ZNF618: variants seen among roughly 807,000 people sequenced by gnomAD.
ZNF618 encodes zinc finger protein 618.
ZNF618 carries 34 observed loss-of-function variants against 103.0 expected under a neutral mutation model. The ratio of observed to expected loss-of-function variants is 0.33; its 90% confidence interval spans 0.25 to 0.44. The LOEUF (loss-of-function observed/expected upper bound fraction) is 0.44, where lower values mean the gene tolerates loss of function less well. Ranked by LOEUF, ZNF618 falls within the 20% of genes least tolerant of loss-of-function variation. The probability of loss-of-function intolerance (pLI) is 1.00; values close to 1 mark genes in which losing one functional copy is unlikely to be tolerated. For synonymous variants in ZNF618, 551 were observed against 542.2 expected, an observed-to-expected ratio of 1.02 and a Z score of -0.23; for missense variants, 1,059 against 1,295.4, an observed-to-expected ratio of 0.82 and a Z score of 2.80.
rs1225772806 is a variant in ZNF618, at chr9:114,002,546, G to A, written c.512-78G>A. The A allele has an allele frequency of 1.7e-5, 25 of 1,499,044 alleles. No individual in the cohort carries two copies. The East Asian group carries it at 2.7e-4, about 16-fold the overall frequency. 92.9% of individuals were successfully genotyped at this position (1,499,044 alleles called of 1,614,324 possible). A position where few individuals can be genotyped will look rare whatever the true frequency, so the allele number is the denominator to read the frequency against. On this transcript the variant is annotated intron_variant, in intron 5 of 14. Transcript: ENST00000374126. ...TGAGCTCTTCCCCTGTGGCTTCCAT[G>A]TTCTCTTTTGCACTTGGCACTGGCC... is the stretch of plus-strand genomic sequence containing the variant.
chr9:113,938,440 T>A (rs1588095411), intron 1 of ZNF618, among the ~76,000 whole-genome samples: 2 of 152,162 alleles, frequency 1.3e-5, no homozygotes, highest in South Asian at 4.2e-4. Flanking sequence ...GTTGGCTGCC[T>A]CAAAGCATTG....
intron 1 of ZNF618, among the ~76,000 whole-genome samples, chr9:113,876,950 A>G (rs918904136): frequency 5.9e-5 from 9 of 151,428 alleles, no homozygotes; most frequent in African/African-American, 2.2e-4. Flanking sequence ...TTCCCATTAA[A>G]ACGACGCCAC....
intron 3 of ZNF618, among the ~76,000 whole-genome samples, chr9:113,995,499 T>G (rs529083452): frequency 1.3e-5 from 2 of 152,368 alleles, no homozygotes; most frequent in South Asian, 4.1e-4. Context: ...TTAATTTAAT[T>G]CCTATCTTTT....
chr9:113,996,919 A>G (rs573015962), intron 3 of ZNF618, among the ~76,000 whole-genome samples: 1 of 152,298 alleles, frequency 6.6e-6, no homozygotes, highest in African/African-American at 2.4e-5. Flanking sequence ...CCCAAGGCCT[A>G]CTTTGAGCCC....
chr9:113,987,912 C>CG (rs112205456), intron 2 of ZNF618, among the ~76,000 whole-genome samples: 91,154 of 151,828 alleles, frequency 0.6, 27,709 homozygotes, highest in Middle Eastern at 0.78. Flanking sequence ...CAAGATCCCC[C>CG]CCAGCTGATC....
At chr9:113,976,076 A>G (rs1006347070) in intron 2 of ZNF618, among the ~76,000 whole-genome samples, 16 of 152,188 alleles carry the variant, frequency 1.1e-4, no homozygotes, top group South Asian at 2.1e-4. Context: ...TGTAAATAAG[A>G]GAGATTCTTG....
At chr9:113,915,646 T>G (rs189592378) in intron 1 of ZNF618, among the ~76,000 whole-genome samples, 13 of 152,248 alleles carry the variant, frequency 8.5e-5, no homozygotes, top group Admixed American at 7.8e-4. Context: ...CTGAAAATAT[T>G]AGGTGGTCTA....
intron 1 of ZNF618, among the ~76,000 whole-genome samples, chr9:113,964,248 A>T (rs891768655): frequency 6.6e-6 from 1 of 152,114 alleles, no homozygotes; most frequent in Admixed American, 6.5e-5. Context: ...CGGTTCTCTT[A>T]TCGAAGAAAG....
At chr9:113,968,938 G>C (rs1357947153) in intron 1 of ZNF618, among the ~76,000 whole-genome samples, 179 bp from the exon 2 acceptor site, 1 of 152,166 alleles carries the variant, frequency 6.6e-6, no homozygotes, top group African/African-American at 2.4e-5. Flanking sequence ...GAGGTGTTCT[G>C]ACTCCCTCTT....
chr9:113,932,126 G>A (rs926197573), intron 1 of ZNF618, among the ~76,000 whole-genome samples: 2 of 152,194 alleles, frequency 1.3e-5, no homozygotes, highest in African/African-American at 4.8e-5. Flanking sequence ...AAAAGGAAAC[G>A]GATTTGGGAT....
At chr9:114,015,919 C>T (rs1482676442) in intron 9 of ZNF618, among the ~76,000 whole-genome samples, 1 of 152,178 alleles carries the variant, frequency 6.6e-6, no homozygotes, top group Non-Finnish European at 1.5e-5. Context: ...TAATTCAGGG[C>T]TCACAGGAGC....
intron 1 of ZNF618, among the ~76,000 whole-genome samples, chr9:113,958,772 G>A (rs1588152332): frequency 1.3e-5 from 2 of 152,102 alleles, no homozygotes; most frequent in Non-Finnish European, 2.9e-5. Context: ...ACCAGGCTTC[G>A]CCTTGCCTTA....
intron 1 of ZNF618, 150 bp from the exon 2 acceptor site, chr9:113,968,967 G>A (rs1588183335): frequency 2.3e-6 from 2 of 870,096 alleles, no homozygotes; most frequent in South Asian, 2.9e-5. Context: ...GCACAAGTTT[G>A]TCCAGCCTGG....
At chr9:113,899,710 G>A (rs998405735) in intron 1 of ZNF618, among the ~76,000 whole-genome samples, 4 of 152,168 alleles carry the variant, frequency 2.6e-5, no homozygotes, top group African/African-American at 9.7e-5. Context: ...GTACCTCATA[G>A]AAGTGGACTT....
intron 9 of ZNF618, among the ~76,000 whole-genome samples, chr9:114,012,819 G>A (rs1003419204): frequency 6.6e-6 from 1 of 152,140 alleles, no homozygotes; most frequent in Non-Finnish European, 1.5e-5. Flanking sequence ...TGATGTTATA[G>A]TACCAGTGGC....
At chr9:113,921,178 G>A (rs1376947425) in intron 1 of ZNF618, among the ~76,000 whole-genome samples, 1 of 152,200 alleles carries the variant, frequency 6.6e-6, no homozygotes, top group Non-Finnish European at 1.5e-5. Flanking sequence ...CTGGAATCCT[G>A]GGTCCTGTGT....
At chr9:114,001,148 G>T (rs1841159685) in intron 4 of ZNF618, among the ~76,000 whole-genome samples, 1 of 152,176 alleles carries the variant, frequency 6.6e-6, no homozygotes. Flanking sequence ...GGCTCTTCTT[G>T]GCTTCCTACC....
chr9:114,014,185 C>T (rs771875306), intron 9 of ZNF618, among the ~76,000 whole-genome samples: 1 of 152,142 alleles, frequency 6.6e-6, no homozygotes, highest in Non-Finnish European at 1.5e-5. Flanking sequence ...GGAGCATGAA[C>T]AAGACTTGTA....
intron 1 of ZNF618, among the ~76,000 whole-genome samples, chr9:113,891,039 C>G (rs1244475286): frequency 1.3e-5 from 2 of 151,956 alleles, no homozygotes; most frequent in African/African-American, 4.8e-5. Context: ...TTTTTTTCCC[C>G]AGACTTTTTA....
Sources: allele counts gnomAD v4.1 joint callset (sites outside exome capture counted in the v4.1 genomes callset), GRCh38; gene constraint gnomAD v4.1.1; transcripts MANE v1.5; gene names NCBI Gene and HGNC (gene_info 2026-07-23, HGNC 2026-07-21).